The following SHTN1 variants were observed in gnomAD, a reference collection of about 807,000 sequenced individuals.
SHTN1 encodes shootin-1.
Under a neutral mutation model 83.1 loss-of-function variants are expected in SHTN1, and 42 were observed. The ratio of observed to expected loss-of-function variants is 0.51; its 90% CI spans 0.39 to 0.65. The LOEUF is 0.65. Among genes scored for constraint, SHTN1 ranks in the 30% least tolerant of loss-of-function variants. The pLI, the probability that SHTN1 is intolerant of heterozygous loss-of-function variation, is 0.00. For missense variants in SHTN1, 622 were observed against 737.8 expected (o/e 0.84, Z 1.82); for synonymous variants, 224 against 247.7 (o/e 0.90, Z 0.90).
At chr10:117,004,490 G>A (rs116985222) in intron 1 of SHTN1, among the ~76,000 whole-genome samples, 45 of 152,100 alleles carry the variant, frequency 3.0e-4, no homozygotes, top group Non-Finnish European at 5.1e-4. Context: ...TGCTAAAATT[G>A]AGAAGTGATT....
intron 3 of SHTN1, among the ~76,000 whole-genome samples, chr10:116,965,144 T>C (rs1399883723): frequency 6.6e-6 from 1 of 152,130 alleles, no homozygotes; most frequent in Non-Finnish European, 1.5e-5. Flanking sequence ...AAAACATTTA[T>C]CCTGGGAAAA....
At chr10:116,984,394 A>G (rs537523645) in intron 1 of SHTN1, among the ~76,000 whole-genome samples, 13 of 152,366 alleles carry the variant, frequency 8.5e-5, no homozygotes, top group African/African-American at 2.9e-4. Flanking sequence ...CATTTCCAAC[A>G]GAACAGACAG....
intron 1 of SHTN1, among the ~76,000 whole-genome samples, chr10:116,992,867 C>T (rs1469112148): frequency 6.6e-6 from 1 of 151,958 alleles, no homozygotes; most frequent in African/African-American, 2.4e-5. Context: ...CCTCTTTGTT[C>T]TCTCTATTGG....
chr10:117,088,489 A>G (rs765991654), intron 1 of SHTN1, among the ~76,000 whole-genome samples: 2 of 152,220 alleles, frequency 1.3e-5, no homozygotes, highest in Admixed American at 6.5e-5. Context: ...AAGCATGAAA[A>G]TATCAGTGTG....
Position 116,885,457 on chromosome 10 carries a change from AAAC to A in SHTN1, c.*884_*886del, listed in dbSNP as rs954776866. 11 of 152,626 alleles carry A rather than the reference AAAC, an allele frequency of 7.2e-5. No homozygotes were observed. Among genetic ancestry groups the A allele is most frequent in the Admixed American group, 1.3e-4 (2 of 15,274 alleles). 9.5% of individuals were successfully genotyped at this position (152,626 alleles called of 1,614,324 possible). On this transcript the variant is annotated 3_prime_UTR_variant, in exon 17 of 17. Coordinates refer to ENST00000355371, the MANE Select transcript of SHTN1 (RefSeq NM_001127211.3). ...TACTGCTTAATTTCTTTTTTAAAAAAAACAACAACAAACCTGTGTAATATAGAA... is the reference window on the plus strand; with the variant it reads ...TACTGCTTAATTTCTTTTTTAAAAAAAACAACAAACCTGTGTAATATAGAA...
intron 1 of SHTN1, among the ~76,000 whole-genome samples, chr10:117,096,352 G>A (rs1419784301): frequency 6.6e-6 from 1 of 152,158 alleles, no homozygotes. Flanking sequence ...CTTATGAAAA[G>A]GCTTCTGGCT....
intron 1 of SHTN1, among the ~76,000 whole-genome samples, chr10:117,002,537 A>G (rs1019432288): frequency 6.6e-6 from 1 of 152,226 alleles, no homozygotes; most frequent in African/African-American, 2.4e-5. Flanking sequence ...GGTAGTAAAA[A>G]TTACTATTTT....
chr10:116,983,672 ATAGATAGATAGATAAATACATAC>A (rs1263569368), intron 1 of SHTN1, among the ~76,000 whole-genome samples: 22,395 of 103,036 alleles, frequency 0.22, 2,147 homozygotes, highest in Admixed American at 0.34. Context: ...AGATAGATAG[ATAGATAGATAGATAAATACATAC>A]ATACATACAT....
rs1054813496 is a variant in SHTN1, at chr10:116,928,548, T to A, written c.1013-657A>T. 2.6e-5 allele frequency among the ~76,000 whole-genome samples: 4 copies of A among 152,226 alleles called. No individual in the cohort carries two copies. In the South Asian group the frequency reaches 8.3e-4, roughly 32 times the overall value. ...GACGTAACACCTGACTTCAAAGAAC[T>A]GAACTTAAGTTGATATCACAGGTGC... On this transcript the variant is annotated intron_variant, in intron 10 of 16. Transcript: ENST00000355371.
At chr10:117,030,725 C>T (rs1284425897) in intron 2 of SHTN1, among the ~76,000 whole-genome samples, 4 of 151,740 alleles carry the variant, frequency 2.6e-5, no homozygotes, top group African/African-American at 9.7e-5. Flanking sequence ...CTGAAGAATG[C>T]ATCAGTCTTT....
chr10:117,019,867 T>A (rs186708358), intron 2 of SHTN1, among the ~76,000 whole-genome samples: 1 of 151,664 alleles, frequency 6.6e-6, no homozygotes, highest in African/African-American at 2.4e-5. Context: ...AAACAAACAT[T>A]GCTGAGACAT....
chr10:117,103,904 T>G (rs928045713), intron 1 of SHTN1, among the ~76,000 whole-genome samples: 1 of 152,188 alleles, frequency 6.6e-6, no homozygotes, highest in African/African-American at 2.4e-5. Context: ...GGTAAACACA[T>G]GAATGATGAA....
chr10:116,907,500 T>C (rs931087510), intron 14 of SHTN1, among the ~76,000 whole-genome samples: 6 of 152,172 alleles, frequency 3.9e-5, no homozygotes, highest in South Asian at 2.1e-4. Flanking sequence ...GGAAGATCCA[T>C]GTTTCCCTGC....
intron 2 of SHTN1, among the ~76,000 whole-genome samples, chr10:117,043,046 C>T (rs950655514): frequency 6.6e-6 from 1 of 152,036 alleles, no homozygotes; most frequent in African/African-American, 2.4e-5. Flanking sequence ...TAAGTCTATT[C>T]TTATTTTTCT....
chr10:116,930,095 CTG>C lies in SHTN1; in HGVS notation c.859-95_859-94del, dbSNP rs1848903247. ...GGAAAAAATAAATATTTCCCTTTGA[CTG>C]TACTTCATAGCAAACAGATTCCAAT... On this transcript the variant is annotated intron_variant, in intron 9 of 16. Coordinates refer to ENST00000355371, the MANE Select transcript of SHTN1 (RefSeq NM_001127211.3). 7 of 780,552 alleles carry C rather than the reference CTG, an allele frequency of 9.0e-6. No individual in the cohort carries two copies. The Admixed American group carries it at 1.9e-4, about 21-fold the overall frequency. The allele number at this position is 780,552 out of a possible 1,614,324, so 48.4% of individuals were successfully genotyped here. A position where few individuals can be genotyped will look rare whatever the true frequency, so the allele number is the denominator to read the frequency against.
chr10:117,060,067 G>A (rs1282123708), intron 1 of SHTN1, among the ~76,000 whole-genome samples: 11 of 151,862 alleles, frequency 7.2e-5, no homozygotes, highest in Non-Finnish European at 1.2e-4. Flanking sequence ...TTTTTAATTA[G>A]CCAGGCATGG....
intron 15 of SHTN1, among the ~76,000 whole-genome samples, chr10:116,904,619 A>T (rs1847887827): frequency 6.6e-6 from 1 of 152,192 alleles, no homozygotes; most frequent in South Asian, 2.1e-4. Flanking sequence ...AAAATAATAC[A>T]AATATTTGTA....
At chr10:116,935,445 C>G (rs951790614) in intron 9 of SHTN1, among the ~76,000 whole-genome samples, 1 of 152,154 alleles carries the variant, frequency 6.6e-6, no homozygotes, top group African/African-American at 2.4e-5. Flanking sequence ...GTCATTGGTT[C>G]TGTTTATGTG....
At chr10:117,011,861 C>A (rs1342305798) in intron 2 of SHTN1, among the ~76,000 whole-genome samples, 1 of 152,010 alleles carries the variant, frequency 6.6e-6, no homozygotes, top group South Asian at 2.1e-4. Flanking sequence ...AAAACTCAGG[C>A]GGGGCGCGGT....
Sources: gnomAD v4.1 joint callset for allele counts (sites outside exome capture counted in the v4.1 genomes callset) on GRCh38, gnomAD v4.1.1 for gene constraint, MANE v1.5 for transcripts, NCBI Gene and HGNC (gene_info 2026-07-23, HGNC 2026-07-21) for gene names.